Variants in CNTN4 observed in about 807,000 individuals in gnomAD.
CNTN4 encodes the protein contactin-4.
In CNTN4, 77 loss-of-function variants were observed where a neutral mutation model predicts 122.5. The observed-to-expected ratio is 0.63, with a 90% CI of 0.52 to 0.76. The LOEUF (loss-of-function observed/expected upper bound fraction) is 0.76. CNTN4 is among the 30% of genes least tolerant of loss of function. The probability of loss-of-function intolerance (pLI) is 0.00; values close to 1 mark genes in which losing one functional copy is unlikely to be tolerated. For synonymous variants in CNTN4, 512 were observed against 447.0 expected, an observed-to-expected ratio of 1.15 and a Z score of -1.83; for missense variants, 1,256 against 1,259.1, an observed-to-expected ratio of 1.00 and a Z score of 0.04.
intron 3 of CNTN4, among the ~76,000 whole-genome samples, chr3:2,529,166 C>G (rs535703958): frequency 2.3e-4 from 35 of 152,214 alleles, no homozygotes; most frequent in African/African-American, 7.9e-4. Flanking sequence ...AGGAGATCAA[C>G]TTTTCTTAGC....
chr3:2,300,418 C>T lies in CNTN4; in HGVS notation c.-144-38760C>T, dbSNP rs78106375. Among the ~76,000 whole-genome samples the T allele has an allele frequency of 2.0e-3, 302 of 152,068 alleles. 1 individual carries two copies. The highest frequency in any genetic ancestry group is 6.9e-3 in the African/African-American group (288 of 41,490). On this transcript the variant is annotated intron_variant, in intron 2 of 24. Coordinates refer to ENST00000418658, the MANE Select transcript of CNTN4 (RefSeq NM_175607.3). ...TGTTTTATCTTAAGCAATACTTTTT[C>T]CTTAAAACCAAAGACATTGAAAATT...
intron 4 of CNTN4, among the ~76,000 whole-genome samples, chr3:2,600,010 T>TC (rs1264670506): frequency 1.6e-5 from 2 of 123,362 alleles, no homozygotes; most frequent in Admixed American, 1.5e-4. Context: ...GAATTCTTCT[T>TC]TTTTTTTTTT....
chr3:3,057,036 C>T lies in CNTN4; in HGVS notation c.*816C>T, dbSNP rs777623119. On this transcript the variant is annotated 3_prime_UTR_variant, in exon 25 of 25. Transcript: ENST00000418658. ...ATCTTAGACATTAAATTTGAAGTAA[C>T]ATATATCCTGTAGTAACATAGACCC... 3 of 152,602 alleles carry T rather than the reference C, an allele frequency of 2.0e-5. No homozygotes were observed. The highest frequency in any genetic ancestry group is 4.4e-5 in the Non-Finnish European group (3 of 68,040). 9.5% of individuals were successfully genotyped at this position (152,602 alleles called of 1,614,324 possible).
intron 3 of CNTN4, among the ~76,000 whole-genome samples, chr3:2,371,018 G>C (rs1559494595): frequency 6.6e-6 from 1 of 152,180 alleles, no homozygotes; most frequent in Admixed American, 6.5e-5. Context: ...TATATCGAGT[G>C]AGAATTACAA....
chr3:2,821,662 C>G (rs2092877605), intron 7 of CNTN4, among the ~76,000 whole-genome samples: 1 of 152,084 alleles, frequency 6.6e-6, no homozygotes, highest in African/African-American at 2.4e-5. Context: ...CTAAAAGGAA[C>G]TACGATGACT....
At chr3:2,240,256 T>C (rs529865454) in intron 2 of CNTN4, among the ~76,000 whole-genome samples, 3 of 152,182 alleles carry the variant, frequency 2.0e-5, no homozygotes, top group Non-Finnish European at 2.9e-5. Context: ...TAGATATTCA[T>C]TTGAGATATG....
chr3:2,300,957 A>C (rs772556449), intron 2 of CNTN4, among the ~76,000 whole-genome samples: 14 of 152,124 alleles, frequency 9.2e-5, no homozygotes, highest in Non-Finnish European at 1.5e-4. Flanking sequence ...TCCAGATAGG[A>C]ACTTGATTTA....
chr3:2,208,903 T>C (rs920393230), intron 2 of CNTN4, among the ~76,000 whole-genome samples: 29 of 152,288 alleles, frequency 1.9e-4, no homozygotes, highest in African/African-American at 7.0e-4. Flanking sequence ...TTTTTAGACA[T>C]ACTGCTAAAA....
chr3:2,477,123 A>G (rs2075856896), intron 3 of CNTN4, among the ~76,000 whole-genome samples: 1 of 152,198 alleles, frequency 6.6e-6, no homozygotes, highest in South Asian at 2.1e-4. Flanking sequence ...AAAATCTGGC[A>G]CAGGCTGGGT....
At chr3:2,381,242 G>A (rs962814902) in intron 3 of CNTN4, among the ~76,000 whole-genome samples, 4 of 152,040 alleles carry the variant, frequency 2.6e-5, no homozygotes, top group African/African-American at 9.7e-5. Context: ...TCCTGACCTC[G>A]TGATCCACCC....
intron 3 of CNTN4, among the ~76,000 whole-genome samples, chr3:2,552,419 T>C (rs1014222617): frequency 1.3e-5 from 2 of 152,084 alleles, no homozygotes; most frequent in African/African-American, 4.8e-5. Context: ...CCTTGTAAAT[T>C]AGGGAATATA....
chr3:2,846,280 C>T (rs2093454786), intron 7 of CNTN4, among the ~76,000 whole-genome samples: 1 of 152,188 alleles, frequency 6.6e-6, no homozygotes, highest in Admixed American at 6.5e-5. Flanking sequence ...CAGTTACTCT[C>T]ATGCTGTTCT....
chr3:2,870,974 C>G (rs555317690), intron 8 of CNTN4, among the ~76,000 whole-genome samples: 2 of 152,242 alleles, frequency 1.3e-5, no homozygotes, highest in Admixed American at 1.3e-4. Flanking sequence ...ACCACTCACC[C>G]GAGTCCTGCA....
At chr3:2,879,044 T>C (rs2093877938) in intron 8 of CNTN4, among the ~76,000 whole-genome samples, 1 of 152,142 alleles carries the variant, frequency 6.6e-6, no homozygotes, top group South Asian at 2.1e-4. Context: ...ATAGATATGG[T>C]GAAGTCCTAA....
At chr3:2,584,796 G>T (rs2080109563) in intron 4 of CNTN4, among the ~76,000 whole-genome samples, 1 of 150,260 alleles carries the variant, frequency 6.7e-6, no homozygotes, top group African/African-American at 2.5e-5. Flanking sequence ...GAAGGAGGAA[G>T]AAAACAAGCT....
intron 12 of CNTN4, among the ~76,000 whole-genome samples, chr3:2,906,854 A>G (rs927112127): frequency 5.3e-5 from 8 of 151,756 alleles, no homozygotes; most frequent in African/African-American, 1.7e-4. Context: ...CAAAAAAAAA[A>G]AAAAAGAAAA....
At chr3:2,389,226 C>G (rs2046357123) in intron 3 of CNTN4, among the ~76,000 whole-genome samples, 1 of 151,924 alleles carries the variant, frequency 6.6e-6, no homozygotes, top group South Asian at 2.1e-4. Context: ...TGTTGTGCCT[C>G]CAAAGAATAC....
At chr3:3,012,503 G>T (rs2125516195) in intron 14 of CNTN4, among the ~76,000 whole-genome samples, 1 of 152,012 alleles carries the variant, frequency 6.6e-6, no homozygotes, top group South Asian at 2.1e-4. Flanking sequence ...GGGCTGGAGT[G>T]CAATGGCGTG....
intron 6 of CNTN4, among the ~76,000 whole-genome samples, chr3:2,782,465 CTGTGTGTGTG>C (rs137927481): frequency 0.099 from 13,246 of 133,252 alleles, 723 homozygotes; most frequent in South Asian, 0.16. Context: ...CCTTCTTATT[CTGTGTGTGTG>C]TGTGTGTGTG....
Sources: allele counts gnomAD v4.1 joint callset (sites outside exome capture counted in the v4.1 genomes callset), GRCh38; gene constraint gnomAD v4.1.1; transcripts MANE v1.5; gene names NCBI Gene and HGNC (gene_info 2026-07-23, HGNC 2026-07-21).